ZFHX3: variants seen among roughly 807,000 people sequenced by gnomAD.
ZFHX3 encodes the protein zinc finger homeobox protein 3.
In ZFHX3, 42 loss-of-function variants were observed where a neutral mutation model predicts 279.1. The ratio of observed to expected loss-of-function variants is 0.15; its 90% CI spans 0.12 to 0.19. The LOEUF is 0.19. ZFHX3 is among the 10% of genes least tolerant of loss of function. The probability of loss-of-function intolerance (pLI) is 1.00; values close to 1 mark genes in which losing one functional copy is unlikely to be tolerated. For synonymous variants in ZFHX3, 2,293 were observed against 1,957.8 expected (o/e 1.17, Z -4.52); for missense variants, 4,981 against 4,754.0 (o/e 1.05, Z -1.40).
At chr16:72,898,682 A>T (rs538045075) in intron 3 of ZFHX3, among the ~76,000 whole-genome samples, 1 of 150,918 alleles carries the variant, frequency 6.6e-6, no homozygotes, top group African/African-American at 2.4e-5. Context: ...CTGTTTATAC[A>T]TGGGGAGGAA....
intron 5 of ZFHX3, among the ~76,000 whole-genome samples, chr16:73,210,256 G>T (rs28441307): frequency 0.056 from 8,556 of 152,100 alleles, 769 homozygotes; most frequent in African/African-American, 0.18. Context: ...CTGCTGGATC[G>T]GGTTAGCTGT....
At chr16:73,653,745 G>T in intron 2 of ZFHX3, among the ~76,000 whole-genome samples, 1 of 151,092 alleles carries the variant, frequency 6.6e-6, no homozygotes, top group Admixed American at 6.6e-5. Context: ...AAAACAGAAT[G>T]TGTTGAAAAA....
chr16:73,682,330 A>G (rs2053018702), intron 1 of ZFHX3, among the ~76,000 whole-genome samples: 1 of 152,148 alleles, frequency 6.6e-6, no homozygotes, highest in South Asian at 2.1e-4. Flanking sequence ...ACATTTTCTT[A>G]TATAAAAATT....
At chr16:73,330,260 A>G (rs1229084215) in intron 3 of ZFHX3, among the ~76,000 whole-genome samples, 1 of 152,184 alleles carries the variant, frequency 6.6e-6, no homozygotes, top group African/African-American at 2.4e-5. Context: ...GAAAGGAAGA[A>G]AGGAAAGTAG....
chr16:72,819,615 C>T (rs1057109159), intron 5 of ZFHX3, among the ~76,000 whole-genome samples: 14 of 152,150 alleles, frequency 9.2e-5, no homozygotes, highest in African/African-American at 3.1e-4. Context: ...GTAGGAACCA[C>T]GCTGCTTTGT....
chr16:73,507,649 C>T (rs945080205), intron 2 of ZFHX3, among the ~76,000 whole-genome samples: 4 of 151,960 alleles, frequency 2.6e-5, no homozygotes, highest in Admixed American at 2.6e-4. Flanking sequence ...GTACACGCCA[C>T]CATGCCTGGC....
intron 2 of ZFHX3, among the ~76,000 whole-genome samples, chr16:73,648,315 A>G (rs1490077912): frequency 6.6e-6 from 1 of 152,246 alleles, no homozygotes; most frequent in Non-Finnish European, 1.5e-5. Context: ...CCACATTATT[A>G]TCAATTGGGT....
intron 8 of ZFHX3, among the ~76,000 whole-genome samples, chr16:73,068,369 A>G (rs1965781152): frequency 6.6e-6 from 1 of 152,202 alleles, no homozygotes; most frequent in African/African-American, 2.4e-5. Context: ...TATTCCCGGA[A>G]GGGTGCTCTG....
At position 72,787,033 on chromosome 16, in the gene ZFHX3, T is replaced by C. The variant is rs1051160383; in HGVS notation, c.*131A>G. 2.3e-5 allele frequency: 25 copies of C among 1,088,210 alleles called. No homozygotes were observed. The highest frequency in any genetic ancestry group is 3.0e-5 in the Non-Finnish European group (25 of 841,024). 67.4% of individuals were successfully genotyped at this position (1,088,210 alleles called of 1,614,324 possible). On this transcript the variant is annotated 3_prime_UTR_variant, in exon 10 of 10. Coordinates refer to ENST00000268489, the MANE Select transcript of ZFHX3 (RefSeq NM_006885.4). ...GGGAAAACAACCCACGCTTTTTCTT[T>C]TTTTTCTTTTTTTTTTTTTTTTTGT... is the stretch of plus-strand genomic sequence containing the variant.
At chr16:73,197,142 C>A (rs914377233) in intron 5 of ZFHX3, among the ~76,000 whole-genome samples, 3 of 152,214 alleles carry the variant, frequency 2.0e-5, no homozygotes, top group African/African-American at 7.2e-5. Context: ...ATATCCACTT[C>A]TAACCCCTGC....
intron 1 of ZFHX3, among the ~76,000 whole-genome samples, chr16:73,787,840 TGTGTGTGTGTGTGA>T (rs1007988270): frequency 6.6e-6 from 1 of 150,540 alleles, no homozygotes; most frequent in African/African-American, 2.5e-5. Context: ...TGTGTGTGTG[TGTGTGTGTGTGTGA>T]AAGAGAGAGA....
At chr16:73,375,216 T>C (rs147582371) in intron 3 of ZFHX3, among the ~76,000 whole-genome samples, 1 of 152,368 alleles carries the variant, frequency 6.6e-6, no homozygotes, top group East Asian at 1.9e-4. Flanking sequence ...ACATATTTGA[T>C]CTGTGCATTT....
intron 1 of ZFHX3, among the ~76,000 whole-genome samples, chr16:73,762,705 C>T (rs1188891475): frequency 6.6e-6 from 1 of 152,144 alleles, no homozygotes; most frequent in Non-Finnish European, 1.5e-5. Flanking sequence ...AAGCCATTAT[C>T]CTCAGCAAAC....
chr16:73,268,881 G>T (rs531580763), intron 4 of ZFHX3, among the ~76,000 whole-genome samples: 24 of 152,134 alleles, frequency 1.6e-4, no homozygotes, highest in Admixed American at 7.9e-4. Context: ...TTTACTGTGG[G>T]CAACTGCAGA....
chr16:73,506,379 C>T (rs1462594641), intron 2 of ZFHX3, among the ~76,000 whole-genome samples: 1 of 152,214 alleles, frequency 6.6e-6, no homozygotes, highest in African/African-American at 2.4e-5. Context: ...CCTTCCCTAA[C>T]TCTGTCCCCA....
rs758153178 is a variant in ZFHX3 at position 72,788,861 on chromosome 16, G to A, written c.9428-13C>T. 2.0e-6 allele frequency: 3 copies of A among 1,516,090 alleles called. No homozygotes were observed. Among genetic ancestry groups the A allele is most frequent in the Non-Finnish European group, 1.8e-6 (2 of 1,134,256 alleles). The allele number at this position is 1,516,090 out of a possible 1,614,324, so 93.9% of individuals were successfully genotyped here. ...GGAGACGTTAAAGCTGAAAGGAATG[G>A]AGACAGAAATCACCGGTCAGTCTGG... On this transcript the variant is annotated splice_polypyrimidine_tract_variant and intron_variant, in intron 9 of 9. Coordinates refer to ENST00000268489, the MANE Select transcript of ZFHX3 (RefSeq NM_006885.4).
chr16:73,804,887 A>C (rs1960233439), intron 1 of ZFHX3, among the ~76,000 whole-genome samples: 1 of 120,268 alleles, frequency 8.3e-6, no homozygotes. Context: ...ACACACACCC[A>C]CACCAAAGAG....
rs1166868380 is a variant in ZFHX3 at position 72,950,877 on chromosome 16, C to G, written c.2808G>C (p.Gln936His). 1.9e-6 allele frequency: 3 copies of G among 1,613,932 alleles called. No individual in the cohort carries two copies. The highest frequency in any genetic ancestry group is 2.7e-5 in the African/African-American group (2 of 74,914). Residue 936 changes from glutamine to histidine, a missense_variant, in exon 3 of 10, where the codon CAG becomes CAC. By Grantham distance (24) the Gln-to-His change is conservative (BLOSUM62 0). Around this residue, in one of 7 missense-constraint regions of ZFHX3, gnomAD observed 1,751 missense variants for 1,770.0 expected, o/e 0.99. Transcript: ENST00000268489. ...ELMNLGESFIQTNDPSLKLFQ... is the reference protein window; with the variant it reads ...ELMNLGESFIHTNDPSLKLFQ... ...AGAGCTTCAGCGACGGGTCGTTGGTCTGGATGAAGCTCTCGCCCAGGTTCA... is the reference window on the plus strand; with the variant it reads ...AGAGCTTCAGCGACGGGTCGTTGGTGTGGATGAAGCTCTCGCCCAGGTTCA...
intron 2 of ZFHX3, among the ~76,000 whole-genome samples, chr16:73,557,975 T>C (rs919506725): frequency 3.3e-5 from 5 of 152,202 alleles, no homozygotes; most frequent in Non-Finnish European, 1.5e-5. Flanking sequence ...TCAGTCTGCA[T>C]CAAAGCAATT....
Sources: allele counts gnomAD v4.1 joint callset (sites outside exome capture counted in the v4.1 genomes callset), GRCh38; gene constraint gnomAD v4.1.1; regional missense constraint gnomAD v4.1.1; transcripts MANE v1.5; gene names NCBI Gene and HGNC (gene_info 2026-07-23, HGNC 2026-07-21).